Variants in DNAH7 observed in about 807,000 individuals in gnomAD.
The protein encoded by DNAH7 is dynein axonemal heavy chain 7.
Under a neutral mutation model 444.6 loss-of-function variants are expected in DNAH7, and 397 were observed. The observed-to-expected ratio is 0.89, with a 90% confidence interval of 0.82 to 0.97. DNAH7 has a LOEUF of 0.97. DNAH7 is among the 50% of genes least tolerant of loss of function. The probability of loss-of-function intolerance (pLI) is 0.00; values close to 1 mark genes in which losing one functional copy is unlikely to be tolerated. For missense variants in DNAH7, 4,902 were observed against 4,800.8 expected, an observed-to-expected ratio of 1.02 and a Z score of -0.62; for synonymous variants, 1,636 against 1,624.4, an observed-to-expected ratio of 1.01 and a Z score of -0.17.
At chr2:195,741,964 T>A (rs973796726) in intron 63 of DNAH7, among the ~76,000 whole-genome samples, 4 of 152,362 alleles carry the variant, frequency 2.6e-5, no homozygotes, top group Admixed American at 1.3e-4. Flanking sequence ...CACATGTGGA[T>A]AATTTAATGA....
At chr2:195,778,639 A>AAAAAT (rs1559089662) in intron 58 of DNAH7, among the ~76,000 whole-genome samples, 9 of 51,690 alleles carry the variant, frequency 1.7e-4, no homozygotes, top group South Asian at 7.4e-4. Context: ...AAAATAAATA[A>AAAAAT]ATAAATATAT....
chr2:195,815,949 G>A (rs370664494), intron 51 of DNAH7, among the ~76,000 whole-genome samples: 4 of 152,160 alleles, frequency 2.6e-5, no homozygotes, highest in Non-Finnish European at 5.9e-5. Flanking sequence ...CCGAGATTGC[G>A]CCACTGCACT....
rs572549035 is a variant in DNAH7 at position 196,002,005 on chromosome 2, G to C, written c.990-147C>G. 28 of 554,552 alleles carry C rather than the reference G, an allele frequency of 5.0e-5. 1 individual carries two copies. The South Asian group carries it at 1.3e-3, about 26-fold the overall frequency. 34.4% of individuals were successfully genotyped at this position (554,552 alleles called of 1,614,324 possible). On this transcript the variant is annotated intron_variant, in intron 10 of 64. Transcript: ENST00000312428. ...ATATTACCCACTCTCCGAAATGTAA[G>C]TGTTAAAATATGTCACTTCTAGGAA...
chr2:195,998,561 A>G (rs886880110), intron 12 of DNAH7, among the ~76,000 whole-genome samples: 25 of 143,832 alleles, frequency 1.7e-4, no homozygotes, highest in Non-Finnish European at 2.9e-4. Flanking sequence ...CGAGACTCCA[A>G]CTCAAAAAAA....
intron 5 of DNAH7, among the ~76,000 whole-genome samples, chr2:196,029,353 C>T (rs994510581): frequency 1.3e-5 from 2 of 152,148 alleles, no homozygotes; most frequent in South Asian, 2.1e-4. Flanking sequence ...GTGTGAATAA[C>T]GCCTGCCTAG....
intron 38 of DNAH7, 67 bp from the exon 39 acceptor site, chr2:195,873,761 T>C: frequency 8.2e-7 from 1 of 1,224,440 alleles, no homozygotes; most frequent in Non-Finnish European, 1.1e-6. Context: ...TCTCAAATAT[T>C]CTATAGTTTA....
chr2:195,737,925 G>A lies in DNAH7; in HGVS notation c.12071C>T (p.Ser4024Leu), dbSNP rs781736874. 4.3e-6 allele frequency: 7 copies of A among 1,613,784 alleles called. No homozygotes were observed. The East Asian group carries it at 1.3e-4, about 31-fold the overall frequency. ...CAAGGAAATGATGTCTTCTGGTTAT[G>A]AATTAAGTTGACATAACAGTGCTAC... ...RGVALLCQLNS is the reference protein window; with the variant it reads ...RGVALLCQLNL Residue 4024 changes from serine (S) to leucine (L), a missense_variant, in exon 65 of 65, where the codon TCA (serine) becomes TTA (leucine). Transcript: ENST00000312428.
At position 196,058,071 on chromosome 2, in the gene DNAH7, G is replaced by C. The variant is rs745394514; in HGVS notation, c.61C>G (p.Leu21Val). The C allele has an allele frequency of 6.4e-6, 10 of 1,574,620 alleles. No individual in the cohort carries two copies. Among genetic ancestry groups the C allele is most frequent in the Non-Finnish European group, 7.8e-6 (9 of 1,159,366 alleles). The change falls in exon 2 of 65, where the codon CTA (leucine) becomes GTA (valine). Residue 21 changes from leucine to valine, a missense_variant. Leu to Val is a conservative substitution (Grantham distance 32). Transcript: ENST00000312428. ...TAAATTACCATAGACAGCTGTGGTA[G>C]AAATCTTACTGGTTTCTTGGATTTT... ...KEKSKKPVRF[L>V]PQLSMEKLAS...
At position 195,875,774 on chromosome 2, in the gene DNAH7, G is replaced by C. The variant is rs1346383250; in HGVS notation, c.6187C>G (p.Leu2063Val). ...VYGAQPPIEL[L>V]RQWLDHWNWY... Reference sequence around the variant, plus strand: ...TTCCAGTGGTCTAACCACTGTCTAAGTAACTCAATGGGAGGTTGAGCCCCA... The same window carrying C: ...TTCCAGTGGTCTAACCACTGTCTAACTAACTCAATGGGAGGTTGAGCCCCA... Residue 2063 changes from leucine (L) to valine (V), a missense_variant, in exon 38 of 65, where the codon CTT becomes GTT. Transcript: ENST00000312428. The C allele has an allele frequency of 6.2e-7, 1 of 1,613,700 alleles. No individual in the cohort carries two copies. The highest frequency in any genetic ancestry group is 8.5e-7 in the Non-Finnish European group (1 of 1,179,876).
At position 195,827,634 on chromosome 2, in the gene DNAH7, T is replaced by G. The variant is rs977259561; in HGVS notation, c.9101-3189A>C. 3.9e-5 allele frequency among the ~76,000 whole-genome samples: 6 copies of G among 152,078 alleles called. 1 individual carries two copies. The highest frequency in any genetic ancestry group is 1.5e-5 in the Non-Finnish European group (1 of 68,024). On this transcript the variant is annotated intron_variant, in intron 48 of 64. Coordinates refer to ENST00000312428, the MANE Select transcript of DNAH7 (RefSeq NM_018897.3). ...TCTAGCTGTGTCTCCCAGGCTGGAGTGCAGTGGTGTGATCACAGTTCACTC... is the reference window on the plus strand; with the variant it reads ...TCTAGCTGTGTCTCCCAGGCTGGAGGGCAGTGGTGTGATCACAGTTCACTC...
chr2:195,965,058 GCTTT>G (rs566284084), intron 17 of DNAH7, among the ~76,000 whole-genome samples: 28 of 152,064 alleles, frequency 1.8e-4, no homozygotes, highest in Non-Finnish European at 3.5e-4. Context: ...TAGATAAAAG[GCTTT>G]CTTTCAGTTT....
intron 15 of DNAH7, among the ~76,000 whole-genome samples, chr2:195,977,154 C>A (rs1269672788): frequency 3.3e-5 from 5 of 152,126 alleles, no homozygotes; most frequent in African/African-American, 1.2e-4. Flanking sequence ...CTAAATAAGG[C>A]ACCAAAGAGA....
chr2:195,994,455 A>G (rs1229636996), intron 12 of DNAH7: 3 of 555,360 alleles, frequency 5.4e-6, no homozygotes, highest in Non-Finnish European at 1.0e-5. Flanking sequence ...CAAGGGAGAA[A>G]GGTTTGCCAT....
intron 14 of DNAH7, among the ~76,000 whole-genome samples, chr2:195,985,390 C>T (rs551418378): frequency 1.3e-5 from 2 of 152,130 alleles, no homozygotes; most frequent in African/African-American, 4.8e-5. Flanking sequence ...GAAAATCAAC[C>T]GGGAAGGAGA....
chr2:195,960,462 T>C lies in DNAH7; in HGVS notation c.2689A>G (p.Lys897Glu), dbSNP rs751020851. 4 of 1,614,210 alleles carry C rather than the reference T, an allele frequency of 2.5e-6. No individual in the cohort carries two copies. The Admixed American group carries it at 5.0e-5, about 20-fold the overall frequency. The change falls in exon 18 of 65, where the codon AAA becomes GAA. Residue 897 changes from lysine to glutamate, a missense_variant. Transcript: ENST00000312428. ...ATCGCCTTTTCAAGAGAATATTCTT[T>C]GCTAGCTGCTTCACTAATACCTTCA... ...RFEGISEAAS[K>E]EYSLEKAMEK... is the part of the protein sequence containing the mutation.
intron 16 of DNAH7, 122 bp from the exon 17 acceptor site, chr2:195,970,216 G>T: frequency 1.1e-6 from 1 of 877,332 alleles, no homozygotes; most frequent in Non-Finnish European, 1.6e-6. Flanking sequence ...AAACATAAAA[G>T]GATGATCTGG....
intron 19 of DNAH7, among the ~76,000 whole-genome samples, chr2:195,944,865 G>A (rs1035482904): frequency 6.6e-6 from 1 of 151,930 alleles, no homozygotes; most frequent in African/African-American, 2.4e-5. Context: ...GCTTTTTAAA[G>A]AATTCAGCCC....
intron 61 of DNAH7, among the ~76,000 whole-genome samples, chr2:195,769,766 G>C (rs1441788931): frequency 2.0e-5 from 3 of 151,930 alleles, no homozygotes; most frequent in Non-Finnish European, 4.4e-5. Context: ...GGTTTGCATA[G>C]ACCTGCTTGC....
At chr2:195,806,886 T>C in intron 53 of DNAH7, 54 bp from the exon 54 acceptor site, 1 of 1,413,012 alleles carries the variant, frequency 7.1e-7, no homozygotes, top group Non-Finnish European at 9.8e-7. Context: ...AAGAGAACAG[T>C]ATTTTCACTT....
Sources: gnomAD v4.1 joint callset for allele counts (sites outside exome capture counted in the v4.1 genomes callset) on GRCh38, gnomAD v4.1.1 for gene constraint, MANE v1.5 for transcripts, NCBI Gene and HGNC (gene_info 2026-07-23, HGNC 2026-07-21) for gene names.